Variants in CLIC5 observed in about 807,000 individuals in gnomAD.
CLIC5 encodes CLIC family member 5.
A neutral mutation model predicts 24.7 loss-of-function variants in CLIC5; 20 were observed. The ratio of observed to expected loss-of-function variants is 0.81; its 90% CI spans 0.57 to 1.18. The LOEUF is 1.18. Among genes scored for constraint, CLIC5 ranks in the 50% most tolerant of loss-of-function variants. The pLI is 0.00. For missense variants in CLIC5, 341 were observed against 326.1 expected (o/e 1.05, Z -0.35); for synonymous variants, 159 against 135.6 (o/e 1.17, Z -1.20).
At chr6:46,025,724 A>C (rs553284402) in intron 1 of CLIC5, among the ~76,000 whole-genome samples, 2 of 152,258 alleles carry the variant, frequency 1.3e-5, no homozygotes, top group South Asian at 4.2e-4. Context: ...TCCCCACCCA[A>C]ATCTCATGTC....
chr6:46,082,583 T>G (rs996104874), upstream of CLIC5, among the ~76,000 whole-genome samples: 8 of 152,208 alleles, frequency 5.3e-5, no homozygotes, highest in African/African-American at 1.7e-4. Context: ...CCTGGAACAC[T>G]CCTGGATATT....
At chr6:45,932,175 T>C (rs1231018104) in intron 4 of CLIC5, among the ~76,000 whole-genome samples, 1 of 152,218 alleles carries the variant, frequency 6.6e-6, no homozygotes, top group African/African-American at 2.4e-5. Flanking sequence ...AGTGGCACCA[T>C]CTCGGTTCAC....
chr6:46,005,394 C>T (rs1766513460), intron 1 of CLIC5, among the ~76,000 whole-genome samples: 1 of 152,168 alleles, frequency 6.6e-6, no homozygotes, highest in African/African-American at 2.4e-5. Flanking sequence ...CACACCAAAG[C>T]CTGTGGGTAA....
intron 6 of CLIC5, among the ~76,000 whole-genome samples, chr6:45,892,548 G>T (rs1383327655): frequency 6.6e-6 from 1 of 152,152 alleles, no homozygotes; most frequent in Non-Finnish European, 1.5e-5. Context: ...TGCGGGCTTT[G>T]TTCTTGCCTG....
At position 46,015,555 on chromosome 6, in the gene CLIC5, CG is replaced by C; in HGVS notation, c.-14del. 8 of 1,563,668 alleles carry C rather than the reference CG, an allele frequency of 5.1e-6. No homozygotes were observed. Among genetic ancestry groups the C allele is most frequent in the South Asian group, 1.2e-5 (1 of 84,494 alleles). On this transcript the variant is annotated 5_prime_UTR_variant, in exon 1 of 6. Transcript: ENST00000339561. ...CCGAGTCTGTCATGCCGTTGGCGCC[CG>C]GGGCTACCGTCCCGGGCCGGGGAGG...
At chr6:46,026,040 T>A (rs780675017) in intron 1 of CLIC5, among the ~76,000 whole-genome samples, 5 of 152,220 alleles carry the variant, frequency 3.3e-5, no homozygotes, top group Non-Finnish European at 5.9e-5. Context: ...TATAGCAGTA[T>A]GAGAACGGAC....
chr6:46,051,568 C>G (rs1384285094), intron 1 of CLIC5, among the ~76,000 whole-genome samples: 1 of 152,082 alleles, frequency 6.6e-6, no homozygotes, highest in Non-Finnish European at 1.5e-5. Flanking sequence ...GCAGTTGGGG[C>G]AATCTCTAAG....
intron 1 of CLIC5, among the ~76,000 whole-genome samples, chr6:45,994,418 C>G (rs950840564): frequency 8.5e-5 from 13 of 152,154 alleles, no homozygotes; most frequent in African/African-American, 3.1e-4. Flanking sequence ...CATGTTCTCA[C>G]TCATAAGTGG....
chr6:46,061,528 C>T (rs975449153), intron 1 of CLIC5, among the ~76,000 whole-genome samples: 9 of 152,328 alleles, frequency 5.9e-5, no homozygotes, highest in African/African-American at 2.2e-4. Flanking sequence ...GTCAAGTGCA[C>T]TGTCCTGATG....
At chr6:46,045,186 C>T (rs1767920821) in intron 1 of CLIC5, among the ~76,000 whole-genome samples, 1 of 152,016 alleles carries the variant, frequency 6.6e-6, no homozygotes, top group Non-Finnish European at 1.5e-5. Context: ...ATAGGCAGTT[C>T]CAAGAGGTCA....
At chr6:46,104,422 C>T in the CLIC5 span, among the ~76,000 whole-genome samples, 8 of 151,890 alleles carry the variant, frequency 5.3e-5, no homozygotes, top group South Asian at 8.3e-4. Flanking sequence ...AGTTCTCAGG[C>T]GAGTTTGTCT....
chr6:46,072,059 G>T (rs1366056253), intron 1 of CLIC5, among the ~76,000 whole-genome samples: 1 of 151,920 alleles, frequency 6.6e-6, no homozygotes, highest in African/African-American at 2.4e-5. Flanking sequence ...AAATAGAGGG[G>T]AACAACACAC....
rs1215434894 is a variant in CLIC5, at chr6:45,914,342, C to T, written c.474G>A (p.Glu158=). 2 of 1,609,948 alleles carry T rather than the reference C, an allele frequency of 1.2e-6. No individual in the cohort carries two copies. Among genetic ancestry groups the T allele is most frequent in the African/African-American group, 1.3e-5 (1 of 75,000 alleles). Residue 158 remains glutamate, a synonymous_variant, in exon 5 of 6, where the codon GAG becomes GAA. Transcript: ENST00000339561. The stretch of plus-strand genomic sequence containing the variant: ...CCCCACAAGTGTTGGCGTCAATCTC[C>T]TCTGGTAGAGGGGTGTTCAGGTAGT... ...LDDYLNTPLP[E]EIDANTCGED...
intron 1 of CLIC5, among the ~76,000 whole-genome samples, chr6:45,983,074 C>T (rs1473773720): frequency 2.0e-5 from 3 of 152,124 alleles, no homozygotes; most frequent in Non-Finnish European, 4.4e-5. Context: ...AAATGAAATG[C>T]CAATAAAACA....
chr6:46,070,423 CCAA>C (rs981715946), intron 1 of CLIC5, among the ~76,000 whole-genome samples: 23 of 152,186 alleles, frequency 1.5e-4, no homozygotes, highest in Middle Eastern at 3.4e-3. Context: ...TTCCTATACA[CCAA>C]CAACAGTCAA....
chr6:45,914,322 C>G lies in CLIC5; in HGVS notation c.494G>C (p.Cys165Ser), dbSNP rs951705401. The G allele has an allele frequency of 6.2e-7, 1 of 1,610,064 alleles. No individual in the cohort carries two copies. The highest frequency in any genetic ancestry group is 8.5e-7 in the Non-Finnish European group (1 of 1,177,240). ...PLPEEIDANT[C>S]GEDKGSRRKF... is the part of the protein sequence containing the mutation. ...GCGCCGGGACCCCTTGTCTTCCCCA[C>G]AAGTGTTGGCGTCAATCTCCTCTGG... Residue 165 changes from cysteine to serine, a missense_variant, in exon 5 of 6, where the codon TGT becomes TCT. Physicochemically the swap from Cys to Ser is moderately radical, Grantham distance 112. Transcript: ENST00000339561.
the CLIC5 span, among the ~76,000 whole-genome samples, chr6:46,120,208 C>T: frequency 2.1e-3 from 321 of 152,320 alleles, no homozygotes; most frequent in Middle Eastern, 6.8e-3. Context: ...ACACCTCACA[C>T]GGCCGGGTAC....
intron 6 of CLIC5, among the ~76,000 whole-genome samples, chr6:45,888,084 A>C (rs1561911055): frequency 6.6e-6 from 1 of 152,216 alleles, no homozygotes; most frequent in Non-Finnish European, 1.5e-5. Flanking sequence ...TTGGGTGTTA[A>C]CAGAAGCAGC....
At chr6:45,881,267 A>C in intron 6 of CLIC5, 1 of 397,718 alleles carries the variant, frequency 2.5e-6, no homozygotes, top group East Asian at 3.6e-5. Flanking sequence ...CCAACAAATC[A>C]TGCAAGCATG....
Sources: allele counts gnomAD v4.1 joint callset (sites outside exome capture counted in the v4.1 genomes callset), GRCh38; gene constraint gnomAD v4.1.1; transcripts MANE v1.5; gene names NCBI Gene and HGNC (gene_info 2026-07-23, HGNC 2026-07-21).